Variants in NR6A1 observed in about 807,000 individuals in gnomAD.
NR6A1 encodes the protein nuclear receptor subfamily 6 group A member 1.
In NR6A1, 7 loss-of-function variants were observed where a neutral mutation model predicts 59.1. That is an observed-to-expected ratio of 0.12 (90% CI 0.07 to 0.22). The LOEUF (loss-of-function observed/expected upper bound fraction) is 0.22, where lower values mean the gene tolerates loss of function less well. Ranked by LOEUF, NR6A1 falls within the 10% of genes least tolerant of loss-of-function variation. NR6A1 has a pLI of 1.00. For missense variants in NR6A1, 468 were observed against 611.6 expected, an observed-to-expected ratio of 0.77 and a Z score of 2.48; for synonymous variants, 243 against 236.1, an observed-to-expected ratio of 1.03 and a Z score of -0.27.
intron 2 of NR6A1, among the ~76,000 whole-genome samples, chr9:124,641,226 G>C (rs1416756519): frequency 4.6e-5 from 7 of 151,840 alleles, no homozygotes; most frequent in Non-Finnish European, 7.4e-5. Flanking sequence ...GAGCATGGTG[G>C]TGCATGCCTG....
intron 2 of NR6A1, among the ~76,000 whole-genome samples, chr9:124,611,742 C>T (rs1304029545): frequency 6.1e-5 from 3 of 49,290 alleles, no homozygotes; most frequent in Non-Finnish European, 1.2e-4. Flanking sequence ...AGAGTGAGAC[C>T]CTGTCTTAGA....
intron 3 of NR6A1, among the ~76,000 whole-genome samples, chr9:124,551,664 G>A (rs532257847): frequency 5.9e-5 from 9 of 152,246 alleles, no homozygotes; most frequent in South Asian, 2.1e-4. Flanking sequence ...TGACTAATTT[G>A]TAACACCAGC....
intron 2 of NR6A1, among the ~76,000 whole-genome samples, chr9:124,663,204 A>G (rs1380533604): frequency 6.6e-6 from 1 of 152,216 alleles, no homozygotes; most frequent in East Asian, 1.9e-4. Flanking sequence ...AGTGCAACAA[A>G]TGGTACTACC....
chr9:124,725,755 T>C (rs934353423), intron 2 of NR6A1, among the ~76,000 whole-genome samples: 1 of 152,172 alleles, frequency 6.6e-6, no homozygotes, highest in Non-Finnish European at 1.5e-5. Flanking sequence ...CTGGAGAGCA[T>C]GGCAAAAATT....
At chr9:124,584,096 C>CTTTT (rs557906470) in intron 2 of NR6A1, among the ~76,000 whole-genome samples, 1 of 133,112 alleles carries the variant, frequency 7.5e-6, no homozygotes, top group Non-Finnish European at 1.6e-5. Context: ...TTGCACTTGG[C>CTTTT]TTTTTTTTTT....
intron 2 of NR6A1, among the ~76,000 whole-genome samples, chr9:124,608,781 T>A (rs2130837160): frequency 6.6e-6 from 1 of 152,340 alleles, no homozygotes; most frequent in South Asian, 2.1e-4. Context: ...GCATTCCTAT[T>A]TCTCTGCAGC....
chr9:124,730,954 G>C (rs561708808), intron 2 of NR6A1, among the ~76,000 whole-genome samples: 1 of 152,182 alleles, frequency 6.6e-6, no homozygotes, highest in African/African-American at 2.4e-5. Context: ...ACTGGGTGTG[G>C]AGCAGAGAGA....
At chr9:124,532,225 C>T (rs1033381532) in intron 7 of NR6A1, among the ~76,000 whole-genome samples, 3 of 152,202 alleles carry the variant, frequency 2.0e-5, no homozygotes, top group African/African-American at 7.2e-5. Context: ...CTGCACATAG[C>T]AACCATCCAG....
intron 2 of NR6A1, among the ~76,000 whole-genome samples, chr9:124,592,031 G>A (rs554961072): frequency 5.9e-5 from 9 of 152,284 alleles, no homozygotes; most frequent in African/African-American, 1.7e-4. Flanking sequence ...AGAAAAAAAC[G>A]AATGATGTGA....
intron 2 of NR6A1, among the ~76,000 whole-genome samples, chr9:124,628,307 C>G (rs1362866982): frequency 1.3e-5 from 2 of 152,168 alleles, no homozygotes; most frequent in African/African-American, 4.8e-5. Flanking sequence ...GGATTACAGG[C>G]GTGAGCCACC....
At chr9:124,727,723 C>T (rs908086569) in intron 2 of NR6A1, among the ~76,000 whole-genome samples, 1 of 152,196 alleles carries the variant, frequency 6.6e-6, no homozygotes, top group African/African-American at 2.4e-5. Context: ...CTCGCTCTGT[C>T]ACCCAGGCTG....
At chr9:124,524,903 A>C (rs556689651) in intron 8 of NR6A1, 30 bp from the exon 9 acceptor site, 4 of 1,579,126 alleles carry the variant, frequency 2.5e-6, no homozygotes, top group African/African-American at 1.4e-5. Context: ...ACACACACAC[A>C]TACAGGGAAT....
intron 2 of NR6A1, among the ~76,000 whole-genome samples, chr9:124,713,894 C>T (rs997912224): frequency 2.0e-5 from 3 of 152,134 alleles, no homozygotes; most frequent in African/African-American, 7.2e-5. Context: ...CAGGTATACA[C>T]CCCAAAGAAT....
chr9:124,622,954 G>A (rs949620591), intron 2 of NR6A1, among the ~76,000 whole-genome samples: 1 of 152,136 alleles, frequency 6.6e-6, no homozygotes, highest in Non-Finnish European at 1.5e-5. Flanking sequence ...TCCCTCAGAA[G>A]ACTCACAATG....
At chr9:124,568,190 A>AAG (rs1185222104) in intron 2 of NR6A1, among the ~76,000 whole-genome samples, 3 of 149,338 alleles carry the variant, frequency 2.0e-5, no homozygotes, top group Admixed American at 6.7e-5. Flanking sequence ...AAAAAAAAAA[A>AAG]AAAAAGAAAC....
chr9:124,754,275 T>C (rs1564268535), intron 1 of NR6A1, among the ~76,000 whole-genome samples: 1 of 152,188 alleles, frequency 6.6e-6, no homozygotes, highest in Non-Finnish European at 1.5e-5. Flanking sequence ...TCCAAACCTA[T>C]ATGAGATAAT....
chr9:124,584,948 T>C (rs1834879271), intron 2 of NR6A1, among the ~76,000 whole-genome samples: 1 of 152,162 alleles, frequency 6.6e-6, no homozygotes. Flanking sequence ...GAAAAGTTCT[T>C]GAAGGAAATT....
intron 2 of NR6A1, among the ~76,000 whole-genome samples, chr9:124,713,591 A>T (rs1316084654): frequency 6.6e-6 from 1 of 152,188 alleles, no homozygotes; most frequent in African/African-American, 2.4e-5. Flanking sequence ...GACCTCAATA[A>T]ACATTTCTCC....
intron 2 of NR6A1, among the ~76,000 whole-genome samples, chr9:124,555,785 A>G (rs535479630): frequency 6.6e-6 from 1 of 152,354 alleles, no homozygotes; most frequent in South Asian, 2.1e-4. Context: ...AATGGTGATT[A>G]TAATAATACC....
Sources: gnomAD v4.1 joint callset for allele counts (sites outside exome capture counted in the v4.1 genomes callset) on GRCh38, gnomAD v4.1.1 for gene constraint, MANE v1.5 for transcripts, NCBI Gene and HGNC (gene_info 2026-07-23, HGNC 2026-07-21) for gene names.